Variants in PLCB1 observed in about 807,000 individuals in gnomAD.
The protein encoded by PLCB1 is 1-phosphatidylinositol 4,5-bisphosphate phosphodiesterase beta-1.
Under a neutral mutation model 161.8 loss-of-function variants are expected in PLCB1, and 46 were observed. The ratio of observed to expected loss-of-function variants is 0.28; its 90% CI spans 0.22 to 0.36. PLCB1 has a LOEUF of 0.36. Ranked by LOEUF, PLCB1 falls within the 10% of genes least tolerant of loss-of-function variation. The pLI, the probability that PLCB1 is intolerant of heterozygous loss-of-function variation, is 1.00. For missense variants in PLCB1, 1,016 were observed against 1,472.5 expected (o/e 0.69, Z 5.07); for synonymous variants, 517 against 503.7 (o/e 1.03, Z -0.35).
intron 2 of PLCB1, among the ~76,000 whole-genome samples, chr20:8,155,777 A>ACTG (rs1224918836): frequency 6.6e-6 from 1 of 152,214 alleles, no homozygotes; most frequent in Non-Finnish European, 1.5e-5. Flanking sequence ...GATTAAATGC[A>ACTG]ATGATGTAGT....
intron 3 of PLCB1, among the ~76,000 whole-genome samples, chr20:8,544,875 A>G (rs1036282201): frequency 1.5e-5 from 2 of 132,340 alleles, no homozygotes; most frequent in Non-Finnish European, 1.7e-5. Flanking sequence ...TCTGATTTGT[A>G]AAGAGAGGGT....
chr20:8,779,590 A>C (rs1011241530), intron 27 of PLCB1, among the ~76,000 whole-genome samples: 12 of 150,128 alleles, frequency 8.0e-5, no homozygotes, highest in Non-Finnish European at 1.5e-4. Flanking sequence ...TGGCTACTCA[A>C]AGTGTGAAGT....
At chr20:8,586,019 G>A (rs1453144694) in intron 3 of PLCB1, among the ~76,000 whole-genome samples, 1 of 152,162 alleles carries the variant, frequency 6.6e-6, no homozygotes, top group Non-Finnish European at 1.5e-5. Context: ...CATTACCCCA[G>A]ATTCAATAAA....
intron 23 of PLCB1, among the ~76,000 whole-genome samples, chr20:8,743,851 T>A (rs746009322): frequency 2.6e-5 from 4 of 152,220 alleles, no homozygotes; most frequent in Non-Finnish European, 5.9e-5. Context: ...GAAAGACTGT[T>A]CTATGAGTTT....
intron 2 of PLCB1, among the ~76,000 whole-genome samples, chr20:8,367,791 G>C (rs188677345): frequency 1.1e-3 from 173 of 152,288 alleles, no homozygotes; most frequent in Non-Finnish European, 1.8e-3. Context: ...AAGTTTTAAT[G>C]ATACAAGAAA....
At chr20:8,226,457 A>G (rs1979689663) in intron 2 of PLCB1, among the ~76,000 whole-genome samples, 1 of 152,064 alleles carries the variant, frequency 6.6e-6, no homozygotes, top group Admixed American at 6.6e-5. Context: ...GCCTATAGCA[A>G]TGATTTTAGA....
chr20:8,724,692 A>G lies in PLCB1; in HGVS notation c.1618A>G (p.Met540Val). The G allele has an allele frequency of 6.2e-7, 1 of 1,611,666 alleles. No homozygotes were observed. The highest frequency in any genetic ancestry group is 8.5e-7 in the Non-Finnish European group (1 of 1,178,156). ...AGSEAMATEE[M>V]SNLVNYIQPV... is the part of the protein sequence containing the mutation. ...AAGTGAGGCTATGGCCACAGAAGAAATGTCTAATCTGGTGAACTATATTCA... is the reference window on the plus strand; with the variant it reads ...AAGTGAGGCTATGGCCACAGAAGAAGTGTCTAATCTGGTGAACTATATTCA... Residue 540 changes from methionine to valine, a missense_variant, in exon 16 of 32, where the codon ATG (methionine) becomes GTG (valine). Met to Val is a conservative substitution (Grantham distance 21, BLOSUM62 1). Coordinates refer to ENST00000338037, the MANE Select transcript of PLCB1 (RefSeq NM_015192.4).
intron 2 of PLCB1, among the ~76,000 whole-genome samples, chr20:8,247,641 AACACACACAC>A (rs113727213): frequency 6.8e-6 from 1 of 147,274 alleles, no homozygotes; most frequent in Admixed American, 6.8e-5. Flanking sequence ...CATACACGCA[AACACACACAC>A]ACACACACAC....
chr20:8,484,643 T>A (rs1280396235), intron 3 of PLCB1, among the ~76,000 whole-genome samples: 1 of 152,166 alleles, frequency 6.6e-6, no homozygotes, highest in African/African-American at 2.4e-5. Context: ...GCCACCGGCC[T>A]GCTAGCTTCT....
At chr20:8,364,844 C>CA (rs1410155115) in intron 2 of PLCB1, among the ~76,000 whole-genome samples, 1 of 152,194 alleles carries the variant, frequency 6.6e-6, no homozygotes, top group Non-Finnish European at 1.5e-5. Flanking sequence ...ACCTATAACA[C>CA]ATAAAAGTGA....
intron 3 of PLCB1, among the ~76,000 whole-genome samples, chr20:8,580,088 T>C (rs571183528): frequency 3.0e-4 from 45 of 152,262 alleles, no homozygotes. Flanking sequence ...GTATGTGGGC[T>C]CTGGATTGGT....
chr20:8,157,602 G>T (rs1172290829), intron 2 of PLCB1, among the ~76,000 whole-genome samples: 1 of 152,068 alleles, frequency 6.6e-6, no homozygotes, highest in Non-Finnish European at 1.5e-5. Flanking sequence ...GTGAACTCTG[G>T]CTAGCATAGA....
chr20:8,454,305 C>G (rs1981201674), intron 3 of PLCB1, among the ~76,000 whole-genome samples: 1 of 152,220 alleles, frequency 6.6e-6, no homozygotes, highest in South Asian at 2.1e-4. Flanking sequence ...ATCCAGGACA[C>G]CTTTGCCATG....
intron 3 of PLCB1, among the ~76,000 whole-genome samples, chr20:8,455,508 T>C (rs1442700616): frequency 7.4e-6 from 1 of 134,710 alleles, no homozygotes; most frequent in Non-Finnish European, 1.6e-5. Flanking sequence ...TCTTGCAATC[T>C]CGGCTCACTG....
intron 9 of PLCB1, among the ~76,000 whole-genome samples, chr20:8,661,283 C>T (rs918331072): frequency 1.2e-4 from 19 of 152,094 alleles, no homozygotes; most frequent in African/African-American, 4.3e-4. Flanking sequence ...GCATTTGTGC[C>T]CCAACTTATC....
chr20:8,384,488 G>T (rs1181086837), intron 3 of PLCB1, among the ~76,000 whole-genome samples: 3 of 151,982 alleles, frequency 2.0e-5, no homozygotes, highest in Non-Finnish European at 4.4e-5. Flanking sequence ...GCTCAGTGGA[G>T]TTTTTTATTA....
intron 10 of PLCB1, among the ~76,000 whole-genome samples, chr20:8,691,030 A>G (rs1190382010): frequency 6.6e-6 from 1 of 152,210 alleles, no homozygotes; most frequent in Non-Finnish European, 1.5e-5. Context: ...ATTAGAAACA[A>G]AACTATATAA....
chr20:8,601,718 C>T (rs531846887), intron 3 of PLCB1, among the ~76,000 whole-genome samples: 1 of 152,130 alleles, frequency 6.6e-6, no homozygotes, highest in African/African-American at 2.4e-5. Context: ...GTTATTCATT[C>T]CTAAACTAGA....
At chr20:8,400,159 G>T (rs1451589981) in intron 3 of PLCB1, among the ~76,000 whole-genome samples, 1 of 152,174 alleles carries the variant, frequency 6.6e-6, no homozygotes, top group Non-Finnish European at 1.5e-5. Flanking sequence ...CACTATGTGG[G>T]TGACAATGTC....
Sources: allele counts gnomAD v4.1 joint callset (sites outside exome capture counted in the v4.1 genomes callset), GRCh38; gene constraint gnomAD v4.1.1; transcripts MANE v1.5; gene names NCBI Gene and HGNC (gene_info 2026-07-23, HGNC 2026-07-21).